DACH2: variants seen among roughly 807,000 people sequenced by gnomAD.
The protein encoded by DACH2 is dachshund family transcription factor 2, also known as dachshund homolog 2.
A neutral mutation model predicts 35.8 loss-of-function variants in DACH2; 17 were observed. The ratio of observed to expected loss-of-function variants is 0.48; its 90% CI spans 0.33 to 0.71. The LOEUF (loss-of-function observed/expected upper bound fraction) is 0.71. Ranked by LOEUF, DACH2 falls within the 30% of genes least tolerant of loss-of-function variation. The pLI is 0.02. For synonymous variants in DACH2, 195 were observed against 177.3 expected, an observed-to-expected ratio of 1.10 and a Z score of -0.79; for missense variants, 469 against 472.7, an observed-to-expected ratio of 0.99 and a Z score of 0.07.
intron 3 of DACH2, among the ~76,000 whole-genome samples, chrX:86,535,865 C>T (rs1291640682): frequency 1.8e-5 from 2 of 111,067 alleles, no homozygotes; most frequent in South Asian, 3.8e-4. Flanking sequence ...GTTACCAGAG[C>T]GAGAAACAGA....
intron 2 of DACH2, among the ~76,000 whole-genome samples, chrX:86,454,160 G>C (rs1488422015): frequency 9.0e-6 from 1 of 111,181 alleles, no homozygotes; most frequent in African/African-American, 3.3e-5. Flanking sequence ...TATTCTGGTG[G>C]GCTTCTAATT....
chrX:86,326,151 A>G, intron 1 of DACH2, among the ~76,000 whole-genome samples: 1 of 111,521 alleles, frequency 9.0e-6, no homozygotes, highest in Non-Finnish European at 1.9e-5. Context: ...TCCTAGAATT[A>G]TGCAATCTGT....
At chrX:86,588,521 G>C (rs886609452) in intron 3 of DACH2, among the ~76,000 whole-genome samples, 1 of 111,690 alleles carries the variant, frequency 9.0e-6, no homozygotes, top group Non-Finnish European at 1.9e-5. Context: ...ATTTGTTTCT[G>C]TCATCTCTGA....
At chrX:86,735,754 A>C (rs138525630) in intron 6 of DACH2, among the ~76,000 whole-genome samples, 4,802 of 111,611 alleles carry the variant, frequency 0.043, 250 homozygotes, top group African/African-American at 0.15. Context: ...TGGGGCACAA[A>C]TTAAATATGT....
chrX:86,277,700 G>T (rs141701282), intron 1 of DACH2, among the ~76,000 whole-genome samples: 239 of 111,548 alleles, frequency 2.1e-3, no homozygotes, highest in African/African-American at 7.3e-3. Context: ...TCTTGAAGAT[G>T]AGGAGCATAG....
At chrX:86,174,127 T>G (rs998268807) in intron 1 of DACH2, among the ~76,000 whole-genome samples, 26 of 101,189 alleles carry the variant, frequency 2.6e-4, no homozygotes, top group Non-Finnish European at 4.6e-4. Flanking sequence ...TTGTTTTTTT[T>G]TTTTTTTTTT....
intron 3 of DACH2, among the ~76,000 whole-genome samples, chrX:86,563,770 G>T (rs1464377842): frequency 1.8e-5 from 2 of 110,373 alleles, no homozygotes; most frequent in Non-Finnish European, 3.8e-5. Context: ...TATCTCCCAT[G>T]TCTCTCCTAA....
At position 86,651,112 on chromosome X, in the gene DACH2, A is replaced by T. The variant is rs756454667; in HGVS notation, c.717A>T (p.Gly239=). Residue 239 remains glycine (G), a synonymous_variant, in exon 4 of 12, where the codon GGA becomes GGT. Transcript: ENST00000373125. ...TTATGGCTATGAACACTCTTCAGGG[A>T]AATGGAAGCCAAAATGGGACCGAAT... is the stretch of plus-strand genomic sequence containing the variant. The part of the protein sequence containing the change: ...MKLMAMNTLQ[G]NGSQNGTESE... 1 of 1,210,262 alleles carries T rather than the reference A, an allele frequency of 8.3e-7. No individual in the cohort carries two copies. The highest frequency in any genetic ancestry group is 1.1e-6 in the Non-Finnish European group (1 of 894,593).
chrX:86,586,834 A>G (rs991769775), intron 3 of DACH2, among the ~76,000 whole-genome samples: 3 of 111,694 alleles, frequency 2.7e-5, no homozygotes, highest in Non-Finnish European at 5.7e-5. Flanking sequence ...CTTGTAGTAC[A>G]GTTTGAAGGC....
At chrX:86,403,440 A>G (rs959955999) in intron 2 of DACH2, among the ~76,000 whole-genome samples, 1 of 112,214 alleles carries the variant, frequency 8.9e-6, no homozygotes. Context: ...ATCACTAATC[A>G]TCAGAGAAGT....
chrX:86,601,182 A>G (rs1217660141), intron 3 of DACH2, among the ~76,000 whole-genome samples: 1 of 111,647 alleles, frequency 9.0e-6, no homozygotes, highest in East Asian at 2.8e-4. Flanking sequence ...ATGGAAATTC[A>G]TATACCCCAA....
intron 1 of DACH2, among the ~76,000 whole-genome samples, chrX:86,287,585 TC>T (rs1435581866): frequency 2.7e-5 from 3 of 111,734 alleles, no homozygotes; most frequent in Admixed American, 9.6e-5. Context: ...TTTGTCTTTT[TC>T]TTTTATCTCT....
At chrX:86,306,633 G>A (rs1254608401) in intron 1 of DACH2, among the ~76,000 whole-genome samples, 1 of 112,023 alleles carries the variant, frequency 8.9e-6, no homozygotes, top group Admixed American at 9.5e-5. Context: ...TAGCCTACAT[G>A]TGTCTCCTGT....
At chrX:86,302,147 A>G (rs2034587695) in intron 1 of DACH2, among the ~76,000 whole-genome samples, 1 of 111,305 alleles carries the variant, frequency 9.0e-6, no homozygotes. Flanking sequence ...TTATTATTTT[A>G]TTTCATTTTA....
At chrX:86,480,079 T>C (rs1023904435) in intron 2 of DACH2, among the ~76,000 whole-genome samples, 6 of 112,002 alleles carry the variant, frequency 5.4e-5, no homozygotes, top group Non-Finnish European at 7.5e-5. Flanking sequence ...TTTTTTATTG[T>C]GGTCTTCATA....
chrX:86,717,033 G>A (rs188220228), intron 6 of DACH2, among the ~76,000 whole-genome samples: 39 of 111,848 alleles, frequency 3.5e-4, no homozygotes, highest in African/African-American at 1.2e-3. Context: ...CTTTCATGTG[G>A]TTATTTTGAC....
At chrX:86,397,703 T>G (rs777462373) in intron 2 of DACH2, among the ~76,000 whole-genome samples, 292 of 111,980 alleles carry the variant, frequency 2.6e-3, no homozygotes, top group African/African-American at 9.0e-3. Context: ...TTATTGATTT[T>G]CCTATGTTGA....
At chrX:86,773,451 C>A (rs1471513952) in intron 7 of DACH2, among the ~76,000 whole-genome samples, 1 of 111,873 alleles carries the variant, frequency 8.9e-6, no homozygotes, top group Non-Finnish European at 1.9e-5. Context: ...AATGCATATA[C>A]TTCAAGCTTG....
intron 2 of DACH2, among the ~76,000 whole-genome samples, chrX:86,383,456 C>A (rs759848111): frequency 9.5e-6 from 1 of 104,983 alleles, no homozygotes; most frequent in African/African-American, 3.5e-5. Flanking sequence ...TATTGAGTAT[C>A]CCCACTTTTG....
Sources: gnomAD v4.1 joint callset for allele counts (sites outside exome capture counted in the v4.1 genomes callset) on GRCh38, gnomAD v4.1.1 for gene constraint, MANE v1.5 for transcripts, NCBI Gene and HGNC (gene_info 2026-07-23, HGNC 2026-07-21) for gene names.